BRD7: variants seen among roughly 807,000 people sequenced by gnomAD.
BRD7 encodes bromodomain-containing protein 7.
In BRD7, 15 loss-of-function variants were observed where a neutral mutation model predicts 82.1. That is an observed-to-expected ratio of 0.18 (90% CI 0.12 to 0.28). The LOEUF (loss-of-function observed/expected upper bound fraction) is 0.28. Among genes scored for constraint, BRD7 ranks in the 10% least tolerant of loss-of-function variants. The pLI, the probability that BRD7 is intolerant of heterozygous loss-of-function variation, is 1.00. For missense variants in BRD7, 638 were observed against 779.9 expected (o/e 0.82, Z 2.17); for synonymous variants, 232 against 266.9 (o/e 0.87, Z 1.27).
intron 2 of BRD7, among the ~76,000 whole-genome samples, chr16:50,358,470 T>A (rs1193190510): frequency 7.5e-6 from 1 of 133,474 alleles, no homozygotes; most frequent in East Asian, 2.2e-4. Flanking sequence ...CACTCTAGCC[T>A]GGGCAACAGA....
intron 2 of BRD7, among the ~76,000 whole-genome samples, chr16:50,365,540 G>C (rs113351865): frequency 0.032 from 4,909 of 152,248 alleles, 129 homozygotes; most frequent in Non-Finnish European, 0.046. Flanking sequence ...GAGAGAGACA[G>C]GGCAGGGAGC....
chr16:50,362,504 G>C (rs1038181898), intron 2 of BRD7, among the ~76,000 whole-genome samples: 4 of 150,928 alleles, frequency 2.7e-5, no homozygotes, highest in African/African-American at 9.8e-5. Context: ...TACAATTCAT[G>C]TTCCTCGCAG....
At chr16:50,327,153 C>T (rs1180433238) in intron 9 of BRD7, among the ~76,000 whole-genome samples, 1 of 152,156 alleles carries the variant, frequency 6.6e-6, no homozygotes, top group Non-Finnish European at 1.5e-5. Flanking sequence ...CTAATAGGTA[C>T]GGGTACCAGA....
Position 50,319,160 on chromosome 16 carries a change from G to A in BRD7, c.*51C>T, listed in dbSNP as rs1181465424. 3 of 1,415,892 alleles carry A rather than the reference G, an allele frequency of 2.1e-6. No individual in the cohort carries two copies. The highest frequency in any genetic ancestry group is 1.5e-5 in the African/African-American group (1 of 68,560). The allele number at this position is 1,415,892 out of a possible 1,614,324, so 87.7% of individuals were successfully genotyped here. On this transcript the variant is annotated 3_prime_UTR_variant, in exon 17 of 17. Transcript: ENST00000394688. ...AATATCTTCTGAAAAGCATTTCTAA[G>A]TTAAGAATGAAAAAGTATGTACATA... is the stretch of plus-strand genomic sequence containing the variant.
rs999870044 is a variant in BRD7, at chr16:50,368,302, A to G, written c.50-4T>C. 1.6e-5 allele frequency: 26 copies of G among 1,610,324 alleles called. No homozygotes were observed. Among genetic ancestry groups the G allele is most frequent in the Non-Finnish European group, 2.2e-5 (26 of 1,178,940 alleles). On this transcript the variant is annotated splice_region_variant and splice_polypyrimidine_tract_variant and intron_variant, in intron 1 of 16. Coordinates refer to ENST00000394688, the MANE Select transcript of BRD7 (RefSeq NM_013263.5). Reference sequence around the variant, plus strand: ...TTCAAGGGCTTCTCTACATACTCTTAAAAAAAGAAAAGAAAAGAAAGGAAA... The same window carrying G: ...TTCAAGGGCTTCTCTACATACTCTTGAAAAAAGAAAAGAAAAGAAAGGAAA...
chr16:50,334,142 TC>T (rs1180230506), intron 7 of BRD7, among the ~76,000 whole-genome samples: 2 of 152,182 alleles, frequency 1.3e-5, no homozygotes, highest in Non-Finnish European at 2.9e-5. Context: ...ACTACAACCC[TC>T]CCCAAAGTTG....
intron 5 of BRD7, chr16:50,349,548 T>C (rs2038434679): frequency 2.1e-6 from 1 of 469,438 alleles, no homozygotes; most frequent in African/African-American, 2.0e-5. Context: ...TCTCCAGCCA[T>C]GTGTCCTGTA....
rs1461490793 is a variant in BRD7, at chr16:50,358,488, C to T, written c.259-3566G>A. ...TCTAGCCTGGGCAACAGAGCCAGATCCTGTCTCAAAAAAAAAAAAAAAAGA... is the reference window on the plus strand; with the variant it reads ...TCTAGCCTGGGCAACAGAGCCAGATTCTGTCTCAAAAAAAAAAAAAAAAGA... On this transcript the variant is annotated intron_variant, in intron 2 of 16. Transcript: ENST00000394688. Among the ~76,000 whole-genome samples, 8 of 130,800 alleles carry T rather than the reference C, an allele frequency of 6.1e-5. No individual in the cohort carries two copies. The East Asian group carries it at 1.6e-3, about 26-fold the overall frequency. The allele number at this position is 130,800 out of a possible 152,430, so 85.8% of individuals were successfully genotyped here.
chr16:50,358,027 T>C (rs1034372277), intron 2 of BRD7, among the ~76,000 whole-genome samples: 1 of 152,048 alleles, frequency 6.6e-6, no homozygotes, highest in Non-Finnish European at 1.5e-5. Context: ...ACGGCCAAAC[T>C]GTAAACATTT....
In BRD7 at chr16:50,319,255, G is replaced by A. The variant is rs139302414; in HGVS notation, c.1912C>T (p.Pro638Ser). The stretch of plus-strand genomic sequence containing the variant: ...CACTCAGCAACATCCGTCTTTTTAG[G>A]TTCTTCAGTGTCTGAAAGAAAAAGA... ...FVDLTEDTEEPKKTDVAECGP... is the reference protein window; with the variant it reads ...FVDLTEDTEESKKTDVAECGP... The change falls in exon 17 of 17, where the codon CCT becomes TCT. Residue 638 changes from proline (P) to serine (S), a missense_variant. Around this residue, in one of 3 missense-constraint regions of BRD7, gnomAD observed 402 missense variants for 500.8 expected, o/e 0.80. Transcript: ENST00000394688. The A allele has an allele frequency of 1.2e-6, 2 of 1,612,958 alleles. No homozygotes were observed. The highest frequency in any genetic ancestry group is 1.7e-6 in the Non-Finnish European group (2 of 1,179,710).
At chr16:50,367,389 T>G (rs1299341658) in intron 2 of BRD7, among the ~76,000 whole-genome samples, 1 of 152,016 alleles carries the variant, frequency 6.6e-6, no homozygotes, top group Non-Finnish European at 1.5e-5. Flanking sequence ...CTCTGGAAAT[T>G]TTTGTAGTTT....
chr16:50,362,225 C>T (rs370558057), intron 2 of BRD7, among the ~76,000 whole-genome samples: 4 of 152,210 alleles, frequency 2.6e-5, no homozygotes, highest in African/African-American at 9.7e-5. Flanking sequence ...AACTAGAACC[C>T]TGCCTCTGTT....
Position 50,327,241 on chromosome 16 carries a change from C to T in BRD7, c.1088-850G>A, listed in dbSNP as rs528807198. On this transcript the variant is annotated intron_variant, in intron 9 of 16. Coordinates refer to ENST00000394688, the MANE Select transcript of BRD7 (RefSeq NM_013263.5). ...TGGCCTACAGAGGGAGCTGTGCACA[C>T]GGGGAGCCAAGTCAGCTTTGGCCAC... 3.9e-4 allele frequency among the ~76,000 whole-genome samples: 60 copies of T among 152,284 alleles called. No individual in the cohort carries two copies. The South Asian group carries it at 6.0e-3, about 15-fold the overall frequency.
At chr16:50,333,745 A>T in intron 7 of BRD7, 48 bp from the exon 8 acceptor site, 1 of 1,382,656 alleles carries the variant, frequency 7.2e-7, no homozygotes, top group Non-Finnish European at 1.0e-6. Flanking sequence ...AAGATAAGTA[A>T]GATGAAAACA....
chr16:50,354,317 A>T (rs2038649955), intron 4 of BRD7, 108 bp downstream of exon 4: 7 of 901,050 alleles, frequency 7.8e-6, no homozygotes, highest in Non-Finnish European at 1.0e-5. Flanking sequence ...AATATTTATC[A>T]TTCACTTTAA....
intron 2 of BRD7, among the ~76,000 whole-genome samples, chr16:50,359,752 G>A (rs1409338590): frequency 6.6e-6 from 1 of 152,186 alleles, no homozygotes; most frequent in Admixed American, 6.5e-5. Context: ...TTCAAGGACA[G>A]AATAACTTTT....
At chr16:50,368,597 GC>G (rs2039248105) in intron 1 of BRD7, 128 bp downstream of exon 1, 3 of 987,634 alleles carry the variant, frequency 3.0e-6, no homozygotes, top group South Asian at 4.3e-5. Context: ...GGCAGGACGC[GC>G]CCCCTTCGCC....
Position 50,323,606 on chromosome 16 carries a change from G to A in BRD7, c.1424C>T (p.Thr475Ile), listed in dbSNP as rs757378883. 1.2e-6 allele frequency: 2 copies of A among 1,612,412 alleles called. No individual in the cohort carries two copies. Among genetic ancestry groups the A allele is most frequent in the Non-Finnish European group, 1.7e-6 (2 of 1,178,546 alleles). ...TCTTACCATCTCCATCTCTTGTAGG[G>A]TCCTGGAATGCCCTCCTTTTGTTAA... is the stretch of plus-strand genomic sequence containing the variant. ...DVLTKGGHSRTLQEMEMSLPE... is the reference protein window; with the variant it reads ...DVLTKGGHSRILQEMEMSLPE... Residue 475 changes from threonine to isoleucine, a missense_variant, in exon 12 of 17, where the codon ACC becomes ATC. Coordinates refer to ENST00000394688, the MANE Select transcript of BRD7 (RefSeq NM_013263.5).
chr16:50,343,068 T>C (rs151228302), intron 5 of BRD7, among the ~76,000 whole-genome samples: 9 of 152,346 alleles, frequency 5.9e-5, no homozygotes, highest in African/African-American at 2.2e-4. Flanking sequence ...CAAAATGAAC[T>C]CAGAGAGCAA....
Sources: allele counts gnomAD v4.1 joint callset (sites outside exome capture counted in the v4.1 genomes callset), GRCh38; gene constraint gnomAD v4.1.1; regional missense constraint gnomAD v4.1.1; transcripts MANE v1.5; gene names NCBI Gene and HGNC (gene_info 2026-07-23, HGNC 2026-07-21).